Variants in NTSR1 observed in about 807,000 individuals in gnomAD.
NTSR1 encodes the protein neurotensin receptor 1, also known as neurotensin receptor type 1.
In NTSR1, 29 loss-of-function variants were observed where a neutral mutation model predicts 31.2. That is an observed-to-expected ratio of 0.93 (90% CI 0.69 to 1.27). NTSR1 has a LOEUF of 1.27. Ranked by LOEUF, NTSR1 falls within the 50% of genes most tolerant of loss-of-function variation. NTSR1 has a pLI of 0.00. For missense variants in NTSR1, 697 were observed against 595.4 expected (o/e 1.17, Z -1.78); for synonymous variants, 282 against 269.9 (o/e 1.04, Z -0.44).
chr20:62,713,721 T>C (rs1988661318), intron 1 of NTSR1, among the ~76,000 whole-genome samples: 2 of 152,238 alleles, frequency 1.3e-5, no homozygotes, highest in African/African-American at 4.8e-5. Context: ...TCATGCGGCA[T>C]TGGGCTGCAG....
intron 1 of NTSR1, chr20:62,735,186 GTTA>G (rs1989068907): frequency 6.6e-6 from 1 of 152,640 alleles, no homozygotes; most frequent in African/African-American, 2.4e-5. Flanking sequence ...CAAAACCATG[GTTA>G]GGGGGTGGGA....
chr20:62,754,833 T>C lies in NTSR1; in HGVS notation c.863T>C (p.Met288Thr). 4.4e-6 allele frequency: 7 copies of C among 1,608,502 alleles called. No individual in the cohort carries two copies. The highest frequency in any genetic ancestry group is 5.9e-6 in the Non-Finnish European group (7 of 1,179,610). ...TVGGEHSTFSMAIEPGRVQAL... is the reference protein window; with the variant it reads ...TVGGEHSTFSTAIEPGRVQAL... ...GGGGGCGAGCACAGCACATTCAGCA[T>C]GGCCATCGAGCCTGGCAGGGTCCAG... Residue 288 changes from methionine (M) to threonine (T), a missense_variant, in exon 2 of 4, where the codon ATG becomes ACG. Coordinates refer to ENST00000370501, the MANE Select transcript of NTSR1 (RefSeq NM_002531.3).
rs1430151417 is a variant in NTSR1 at position 62,732,374 on chromosome 20, G to A, written c.715-22311G>A. 2.0e-5 allele frequency among the ~76,000 whole-genome samples: 3 copies of A among 152,170 alleles called. No individual in the cohort carries two copies. The highest frequency in any genetic ancestry group is 4.4e-5 in the Non-Finnish European group (3 of 68,020). ...TCCCTTGTATTCCTGGCTTGTGAAA[G>A]GTTTTTCTCACAGATGGGTGTTGGG... is the stretch of plus-strand genomic sequence containing the variant. On this transcript the variant is annotated intron_variant, in intron 1 of 3. Coordinates refer to ENST00000370501, the MANE Select transcript of NTSR1 (RefSeq NM_002531.3). The surrounding 1 kb of genome is among the most constrained non-coding windows in gnomAD (Gnocchi z 4.0).
chr20:62,749,417 G>A (rs1478551541), intron 1 of NTSR1, among the ~76,000 whole-genome samples: 1 of 152,146 alleles, frequency 6.6e-6, no homozygotes, highest in Non-Finnish European at 1.5e-5. Context: ...CATAAAACCT[G>A]AAACTATAAC....
chr20:62,746,303 A>C (rs1175974746), intron 1 of NTSR1, among the ~76,000 whole-genome samples: 1 of 152,268 alleles, frequency 6.6e-6, no homozygotes, highest in African/African-American at 2.4e-5. Context: ...AGAGATGAGA[A>C]GTCACCTCCA....
Position 62,709,850 on chromosome 20 carries a change from G to C in NTSR1, c.643G>C (p.Asp215His), listed in dbSNP as rs937621573. 6.2e-7 allele frequency: 1 copy of C among 1,608,626 alleles called. No individual in the cohort carries two copies. Among genetic ancestry groups the C allele is most frequent in the Non-Finnish European group, 8.5e-7 (1 of 1,176,848 alleles). The change falls in exon 1 of 4, where the codon GAC (aspartate) becomes CAC (histidine). Residue 215 changes from aspartate to histidine, a missense_variant. Physicochemically the swap from Asp to His is moderately conservative, Grantham distance 81. Transcript: ENST00000370501. Reference protein sequence around the residue: ...FTMGEQNRSADGQHAGGLVCT... With the variant: ...FTMGEQNRSAHGQHAGGLVCT... ...CATGGGCGAGCAGAACCGCAGCGCCGACGGCCAGCACGCCGGCGGCCTGGT... is the reference window on the plus strand; with the variant it reads ...CATGGGCGAGCAGAACCGCAGCGCCCACGGCCAGCACGCCGGCGGCCTGGT...
rs146992287 is a variant in NTSR1 at position 62,733,639 on chromosome 20, G to GAAAA, written c.715-21045_715-21044insAAAA. Among the ~76,000 whole-genome samples the GAAAA allele has an allele frequency of 9.3e-6, 1 of 107,414 alleles. No homozygotes were observed. Among genetic ancestry groups the GAAAA allele is most frequent in the African/African-American group, 4.4e-5 (1 of 22,718 alleles). 70.5% of individuals were successfully genotyped at this position (107,414 alleles called of 152,430 possible). ...ATACACACATGGAGAAAAAGAGGGAGATAGAGAAGAGAGAGGGAGAGAGAA... is the reference window on the plus strand; with the variant it reads ...ATACACACATGGAGAAAAAGAGGGAGAAAAATAGAGAAGAGAGAGGGAGAGAGAA... On this transcript the variant is annotated intron_variant, in intron 1 of 3. Coordinates refer to ENST00000370501, the MANE Select transcript of NTSR1 (RefSeq NM_002531.3). This position sits in a 1 kb window ranked among gnomAD's most constrained non-coding sequence, Gnocchi z 5.2.
chr20:62,748,707 A>G (rs928538178), intron 1 of NTSR1, among the ~76,000 whole-genome samples: 6 of 152,172 alleles, frequency 3.9e-5, no homozygotes, highest in Non-Finnish European at 8.8e-5. Context: ...GTGTGGCAGG[A>G]TTGAGAGGTA....
intron 1 of NTSR1, among the ~76,000 whole-genome samples, chr20:62,739,453 C>T (rs537988778): frequency 6.6e-6 from 1 of 152,346 alleles, no homozygotes; most frequent in African/African-American, 2.4e-5. Flanking sequence ...CTGGGGCCCC[C>T]TGAGCCCAGG....
chr20:62,722,279 C>A (rs1268682560), intron 1 of NTSR1, among the ~76,000 whole-genome samples: 1 of 152,170 alleles, frequency 6.6e-6, no homozygotes, highest in Non-Finnish European at 1.5e-5. Context: ...TCAGTGGGCA[C>A]CTTCAGCCTC....
In NTSR1 at chr20:62,709,074, G is replaced by C. The variant is rs1006775359; in HGVS notation, c.-134G>C. The C allele has an allele frequency of 2.9e-6, 2 of 683,244 alleles. No individual in the cohort carries two copies. The highest frequency in any genetic ancestry group is 4.4e-6 in the Non-Finnish European group (2 of 458,916). The allele number at this position is 683,244 out of a possible 1,614,324, so 42.3% of individuals were successfully genotyped here. A position where few individuals can be genotyped will look rare whatever the true frequency, so the allele number is the denominator to read the frequency against. On this transcript the variant is annotated 5_prime_UTR_variant, in exon 1 of 4. Transcript: ENST00000370501. ...GGGTCTGGCGCTTCCCGACTGGACG[G>C]CGCGCCCGCTGGTCTTCGCCACGCG...
At position 62,715,624 on chromosome 20, in the gene NTSR1, C is replaced by T. The variant is rs181124473; in HGVS notation, c.714+5703C>T. On this transcript the variant is annotated intron_variant, in intron 1 of 3. Coordinates refer to ENST00000370501, the MANE Select transcript of NTSR1 (RefSeq NM_002531.3). The surrounding 1 kb of genome is among the most constrained non-coding windows in gnomAD (Gnocchi z 4.7). ...CTGTTCACAGCTCTGCATTGTGACC[C>T]GGGGTCAGCTCTCCCGGGCTGTCCT... Among the ~76,000 whole-genome samples the T allele has an allele frequency of 3.9e-5, 6 of 152,360 alleles. No individual in the cohort carries two copies. The highest frequency in any genetic ancestry group is 6.5e-5 in the Admixed American group (1 of 15,308).
intron 1 of NTSR1, among the ~76,000 whole-genome samples, chr20:62,719,171 T>C (rs1257555443): frequency 6.6e-6 from 1 of 152,004 alleles, no homozygotes. Context: ...GTTAGAGCTC[T>C]TTATAAAGTT....
In NTSR1 at chr20:62,714,578, G is replaced by A. The variant is rs1420180609; in HGVS notation, c.714+4657G>A. ...TGAGCCCTGGTGTGCACACAGCCTC[G>A]TGGCATCCTTGGAGCAAAGCCATTG... On this transcript the variant is annotated intron_variant, in intron 1 of 3. Transcript: ENST00000370501. This position sits in a 1 kb window ranked among gnomAD's most constrained non-coding sequence, Gnocchi z 4.1. 6.6e-6 allele frequency among the ~76,000 whole-genome samples: 1 copy of A among 152,116 alleles called. No homozygotes were observed. The highest frequency in any genetic ancestry group is 1.5e-5 in the Non-Finnish European group (1 of 68,022).
In NTSR1 at chr20:62,745,308, CAG is replaced by C. The variant is rs954385790; in HGVS notation, c.715-9375_715-9374del. Among the ~76,000 whole-genome samples the C allele has an allele frequency of 1.3e-5, 2 of 151,370 alleles. No homozygotes were observed. Among genetic ancestry groups the C allele is most frequent in the African/African-American group, 4.9e-5 (2 of 41,142 alleles). On this transcript the variant is annotated intron_variant, in intron 1 of 3. Transcript: ENST00000370501. This position sits in a 1 kb window ranked among gnomAD's most constrained non-coding sequence, Gnocchi z 4.1. ...AGAGAAACAGACACATAGAGGAAAA[CAG>C]ACACAGGGAGACACAGAGACAGAGA...
chr20:62,724,055 C>G (rs1387912275), intron 1 of NTSR1, among the ~76,000 whole-genome samples: 1 of 152,190 alleles, frequency 6.6e-6, no homozygotes, highest in Non-Finnish European at 1.5e-5. Flanking sequence ...GAGTGGCTGC[C>G]CAAACGGCCC....
chr20:62,713,529 G>A (rs1256615245), intron 1 of NTSR1, among the ~76,000 whole-genome samples: 1 of 152,230 alleles, frequency 6.6e-6, no homozygotes, highest in Non-Finnish European at 1.5e-5. Context: ...CAGGGCTCCT[G>A]TCCCGTGCCC....
intron 1 of NTSR1, among the ~76,000 whole-genome samples, chr20:62,718,975 T>C (rs2427409): frequency 0.75 from 113,473 of 152,088 alleles, 43,198 homozygotes; most frequent in East Asian, 0.95. Context: ...CACCCTAGCC[T>C]TAACCCACAT....
In NTSR1 at chr20:62,709,819, G is replaced by T; in HGVS notation, c.612G>T (p.Leu204=). 1 of 1,612,602 alleles carries T rather than the reference G, an allele frequency of 6.2e-7. No individual in the cohort carries two copies. The highest frequency in any genetic ancestry group is 8.5e-7 in the Non-Finnish European group (1 of 1,179,808). ...CGGCCCTGCTGGCGGTGCCTATGCT[G>T]TTCACCATGGGCGAGCAGAACCGCA... is the stretch of plus-strand genomic sequence containing the variant. ...LASALLAVPM[L]FTMGEQNRSA... The change falls in exon 1 of 4, where the codon CTG becomes CTT. Residue 204 remains leucine (L), a synonymous_variant. Coordinates refer to ENST00000370501, the MANE Select transcript of NTSR1 (RefSeq NM_002531.3).
Sources: allele counts gnomAD v4.1 joint callset (sites outside exome capture counted in the v4.1 genomes callset), GRCh38; gene constraint gnomAD v4.1.1; non-coding constraint Gnocchi (gnomAD v3.1); transcripts MANE v1.5; gene names NCBI Gene and HGNC (gene_info 2026-07-23, HGNC 2026-07-21).